MPRIP: variants seen among roughly 807,000 people sequenced by gnomAD.
MPRIP encodes myosin phosphatase Rho-interacting protein.
A neutral mutation model predicts 234.9 loss-of-function variants in MPRIP; 59 were observed. The ratio of observed to expected loss-of-function variants is 0.25; its 90% CI spans 0.20 to 0.31. The LOEUF is 0.31. MPRIP is among the 10% of genes least tolerant of loss of function. The pLI, the probability that MPRIP is intolerant of heterozygous loss-of-function variation, is 1.00. For synonymous variants in MPRIP, 1,144 were observed against 1,263.9 expected, an observed-to-expected ratio of 0.91 and a Z score of 2.01; for missense variants, 2,436 against 3,071.0, an observed-to-expected ratio of 0.79 and a Z score of 4.89.
At chr17:17,171,351 C>T in intron 16 of MPRIP, 1 of 192,604 alleles carries the variant, frequency 5.2e-6, no homozygotes, top group Non-Finnish European at 1.1e-5. Flanking sequence ...GCTCTCTCTT[C>T]CTTCCTGTGG....
At chr17:17,057,688 G>A (rs780937136) in intron 1 of MPRIP, 17 of 717,872 alleles carry the variant, frequency 2.4e-5, no homozygotes, top group African/African-American at 8.7e-5. Flanking sequence ...TATGATGCAC[G>A]AATGTTCTCA....
chr17:17,064,228 G>A (rs2088954737), intron 1 of MPRIP, among the ~76,000 whole-genome samples: 1 of 150,274 alleles, frequency 6.7e-6, no homozygotes, highest in Non-Finnish European at 1.5e-5. Context: ...TTGAGATGGA[G>A]TCTATCTCTG....
chr17:17,045,994 A>T (rs1387828340), intron 1 of MPRIP, among the ~76,000 whole-genome samples: 1 of 152,048 alleles, frequency 6.6e-6, no homozygotes, highest in African/African-American at 2.4e-5. Context: ...TTTAGTAGAG[A>T]CGAGGTTTCA....
rs190904389 is a variant in MPRIP, at chr17:17,126,526, A to G, written c.268-176A>G. Among the ~76,000 whole-genome samples the G allele has an allele frequency of 3.1e-4, 47 of 152,286 alleles. No homozygotes were observed. In the East Asian group the frequency reaches 8.9e-3, roughly 29 times the overall value. The stretch of plus-strand genomic sequence containing the variant: ...AGCTGGGTGTCCTCTGGAGAAGGCC[A>G]GGCCTGTCCCTGTCCTCCCTGGGAT... On this transcript the variant is annotated intron_variant, in intron 3 of 23. Transcript: ENST00000651222.
intron 16 of MPRIP, among the ~76,000 whole-genome samples, chr17:17,169,422 G>T (rs919368904): frequency 1.3e-5 from 2 of 152,212 alleles, no homozygotes; most frequent in African/African-American, 4.8e-5. Flanking sequence ...CCAACCAGGT[G>T]CAGGGGAGGC....
intron 2 of MPRIP, 118 bp from the exon 3 acceptor site, chr17:17,077,893 G>A: frequency 1.1e-6 from 1 of 944,586 alleles, no homozygotes; most frequent in Non-Finnish European, 1.7e-6. Flanking sequence ...CCCCAGAAGT[G>A]GAATCTGTGG....
intron 3 of MPRIP, among the ~76,000 whole-genome samples, chr17:17,112,784 G>T (rs538348627): frequency 6.6e-6 from 1 of 152,226 alleles, no homozygotes; most frequent in Admixed American, 6.5e-5. Flanking sequence ...GTGGCGTTGA[G>T]GGGGAGGGAG....
chr17:17,112,152 C>T (rs371744795), intron 3 of MPRIP, among the ~76,000 whole-genome samples: 160 of 152,252 alleles, frequency 1.1e-3, no homozygotes, highest in Middle Eastern at 3.4e-3. Context: ...CTCATACTTG[C>T]GGGACAGAAC....
chr17:17,046,508 TAA>T (rs766447997), intron 1 of MPRIP, among the ~76,000 whole-genome samples: 16 of 152,348 alleles, frequency 1.1e-4, no homozygotes, highest in Non-Finnish European at 2.2e-4. Context: ...GGCTGTGTGA[TAA>T]CATTTCCAGG....
In MPRIP at chr17:17,165,132, C is replaced by T; in HGVS notation, c.3541C>T (p.Leu1181=). ...CATTAAGGAAGCACATGAGAAGGTT[C>T]TGGAGAAGAAGGAGCAGGACCTCAA... The part of the protein sequence containing the change: ...ERIKEAHEKV[L]EKKEQDLNEA... The change falls in exon 16 of 24, where the codon CTG becomes TTG. Residue 1181 remains leucine (L), a synonymous_variant. Transcript: ENST00000651222. 1 of 1,304,216 alleles carries T rather than the reference C, an allele frequency of 7.7e-7. No individual in the cohort carries two copies. Among genetic ancestry groups the T allele is most frequent in the South Asian group, 1.2e-5 (1 of 81,032 alleles). 80.8% of individuals were successfully genotyped at this position (1,304,216 alleles called of 1,614,324 possible).
rs2144763405 is a variant in MPRIP, at chr17:17,192,165, T to C, written c.*7271T>C. 1 of 152,348 alleles carries C rather than the reference T, an allele frequency of 6.6e-6. No homozygotes were observed. The highest frequency in any genetic ancestry group is 1.5e-5 in the Non-Finnish European group (1 of 68,028). The allele number at this position is 152,348 out of a possible 1,614,324, so 9.4% of individuals were successfully genotyped here. ...CCGCAGCTTGTGATTCCAGCAGTTC[T>C]CACAAACGTTCTGTCACATGATGAA... is the stretch of plus-strand genomic sequence containing the variant. On this transcript the variant is annotated 3_prime_UTR_variant, in exon 24 of 24. Transcript: ENST00000651222.
At position 17,142,778 on chromosome 17, in the gene MPRIP, G is replaced by A. The variant is rs1402432747; in HGVS notation, c.1389+13G>A. On this transcript the variant is annotated intron_variant, in intron 8 of 23. Transcript: ENST00000651222. ...CCCTAGGAAGCGGGTGAGCTCCTGG[G>A]GCTGGGCAGCACCTCAGGGGTGGCT... is the stretch of plus-strand genomic sequence containing the variant. 4 of 1,611,132 alleles carry A rather than the reference G, an allele frequency of 2.5e-6. No homozygotes were observed. The highest frequency in any genetic ancestry group is 3.4e-6 in the Non-Finnish European group (4 of 1,179,184).
chr17:17,118,356 C>T (rs908383541), intron 3 of MPRIP, among the ~76,000 whole-genome samples: 1 of 152,242 alleles, frequency 6.6e-6, no homozygotes, highest in Admixed American at 6.5e-5. Context: ...TTGCAGGACC[C>T]TCTCTGGGGT....
Position 17,138,962 on chromosome 17 carries a change from T to G in MPRIP, c.1250+533T>G, listed in dbSNP as rs1277761932. Among the ~76,000 whole-genome samples, 2 of 152,234 alleles carry G rather than the reference T, an allele frequency of 1.3e-5. No homozygotes were observed. Among genetic ancestry groups the G allele is most frequent in the Non-Finnish European group, 2.9e-5 (2 of 68,036 alleles). ...TGGGGAGCCACAGCCCCAGGAAACC[T>G]GAGGCAACCTGTGAAGCAGCTGAGC... On this transcript the variant is annotated intron_variant, in intron 7 of 23. Transcript: ENST00000651222. This position sits in a 1 kb window ranked among gnomAD's most constrained non-coding sequence, Gnocchi z 5.8.
At chr17:17,181,757 G>A (rs2046378423) in intron 23 of MPRIP, 1 of 152,214 alleles carries the variant, frequency 6.6e-6, no homozygotes, top group South Asian at 2.1e-4. Flanking sequence ...GGGACCGGCT[G>A]TCACTGACAG....
chr17:17,172,015 G>A lies in MPRIP; in HGVS notation c.6472+150G>A, dbSNP rs2046148234. 6.4e-6 allele frequency: 6 copies of A among 943,254 alleles called. 1 individual carries two copies. The South Asian group carries it at 1.1e-4, about 17-fold the overall frequency. The allele number at this position is 943,254 out of a possible 1,614,324, so 58.4% of individuals were successfully genotyped here. ...AGGGTTCTTTGACTATTCACTCTGA[G>A]GCAAAGGCCAATTTTAGGTCCCTTT... On this transcript the variant is annotated intron_variant, in intron 17 of 23. Coordinates refer to ENST00000651222, the MANE Select transcript of MPRIP (RefSeq NM_001364716.4).
At chr17:17,043,977 C>G (rs1358694908) in intron 1 of MPRIP, among the ~76,000 whole-genome samples, 2 of 152,178 alleles carry the variant, frequency 1.3e-5, no homozygotes, top group Non-Finnish European at 1.5e-5. Context: ...CGCAGAAGAA[C>G]CCCTTAGACT....
rs756401521 is a variant in MPRIP at position 17,150,149 on chromosome 17, C to T, written c.1635C>T (p.Ala545=). 9 of 1,613,118 alleles carry T rather than the reference C, an allele frequency of 5.6e-6. No individual in the cohort carries two copies. Among genetic ancestry groups the T allele is most frequent in the Admixed American group, 1.7e-5 (1 of 59,780 alleles). Residue 545 remains alanine (A), a synonymous_variant, in exon 12 of 24, where the codon GCC becomes GCT. Coordinates refer to ENST00000651222, the MANE Select transcript of MPRIP (RefSeq NM_001364716.4). ...YYRDSVAEEA[A]DLDGEIDLSA... ...ATTCTCACTTCCCTCGGCAGGCAGC[C>T]GACTTGGATGGAGAAATTGACTTGT...
At chr17:17,153,471 G>A (rs969468492) in intron 12 of MPRIP, among the ~76,000 whole-genome samples, 1 of 151,918 alleles carries the variant, frequency 6.6e-6, no homozygotes, top group Non-Finnish European at 1.5e-5. Flanking sequence ...TGGTACCCAG[G>A]CAGGTCTGCT....
Sources: allele counts gnomAD v4.1 joint callset (sites outside exome capture counted in the v4.1 genomes callset), GRCh38; gene constraint gnomAD v4.1.1; non-coding constraint Gnocchi (gnomAD v3.1); transcripts MANE v1.5; gene names NCBI Gene and HGNC (gene_info 2026-07-23, HGNC 2026-07-21).